Variants in ZFPM2 observed in about 807,000 individuals in gnomAD.
The protein encoded by ZFPM2 is zinc finger protein ZFPM2.
A neutral mutation model predicts 98.6 loss-of-function variants in ZFPM2; 20 were observed. The observed-to-expected ratio is 0.20, with a 90% confidence interval of 0.14 to 0.29. The LOEUF (loss-of-function observed/expected upper bound fraction) is 0.29. Among genes scored for constraint, ZFPM2 ranks in the 10% least tolerant of loss-of-function variants. The pLI is 1.00. For synonymous variants in ZFPM2, 518 were observed against 502.7 expected (o/e 1.03, Z -0.41); for missense variants, 1,310 against 1,388.6 (o/e 0.94, Z 0.90).
chr8:105,779,098 G>A (rs1007089611), intron 5 of ZFPM2, among the ~76,000 whole-genome samples: 2 of 152,000 alleles, frequency 1.3e-5, no homozygotes, highest in Non-Finnish European at 2.9e-5. Context: ...AGAATAACTT[G>A]TTATTTTAAA....
intron 3 of ZFPM2, among the ~76,000 whole-genome samples, chr8:105,483,897 C>T (rs1813175423): frequency 6.6e-6 from 1 of 151,582 alleles, no homozygotes; most frequent in Non-Finnish European, 1.5e-5. Context: ...CCACGCCCGG[C>T]TAATTTTTTT....
intron 7 of ZFPM2, 88 bp from the exon 8 acceptor site, chr8:105,800,959 G>GCAAA: frequency 2.4e-6 from 3 of 1,233,058 alleles, no homozygotes; most frequent in Non-Finnish European, 3.4e-6. Context: ...CTATTGTGTT[G>GCAAA]CAAACATTAG....
intron 1 of ZFPM2, among the ~76,000 whole-genome samples, chr8:105,320,605 A>G (rs1812006392): frequency 6.6e-6 from 1 of 152,200 alleles, no homozygotes; most frequent in South Asian, 2.1e-4. Flanking sequence ...TTAGATACAA[A>G]TGCTTTTTAG....
At chr8:105,604,757 C>T (rs1168949939) in intron 4 of ZFPM2, among the ~76,000 whole-genome samples, 2 of 152,050 alleles carry the variant, frequency 1.3e-5, no homozygotes, top group African/African-American at 4.8e-5. Context: ...ACAGAGCATT[C>T]TCTGGACGAA....
At chr8:105,396,423 A>G (rs939578280) in intron 1 of ZFPM2, among the ~76,000 whole-genome samples, 3 of 152,144 alleles carry the variant, frequency 2.0e-5, no homozygotes, top group Non-Finnish European at 4.4e-5. Context: ...TGATTCCTTG[A>G]CATGGGGAAG....
Position 105,783,552 on chromosome 8 carries a change from G to A in ZFPM2, c.533-5166G>A, listed in dbSNP as rs189628115. 8.6e-5 allele frequency among the ~76,000 whole-genome samples: 13 copies of A among 151,950 alleles called. No individual in the cohort carries two copies. The East Asian group carries it at 1.5e-3, about 18-fold the overall frequency. On this transcript the variant is annotated intron_variant, in intron 5 of 7. Coordinates refer to ENST00000407775, the MANE Select transcript of ZFPM2 (RefSeq NM_012082.4). ...ATGCTAAACCTAAATCCTCATCCCCGTATCCCAGCCCCTGGCAACCACCAT... is the reference window on the plus strand; with the variant it reads ...ATGCTAAACCTAAATCCTCATCCCCATATCCCAGCCCCTGGCAACCACCAT...
intron 3 of ZFPM2, among the ~76,000 whole-genome samples, chr8:105,560,070 A>G (rs1197871128): frequency 6.7e-6 from 1 of 150,022 alleles, no homozygotes; most frequent in East Asian, 2.0e-4. Context: ...GCCGGACCTG[A>G]TGGCGCTTTG....
intron 3 of ZFPM2, among the ~76,000 whole-genome samples, chr8:105,462,294 A>G (rs1351953310): frequency 6.6e-6 from 1 of 152,052 alleles, no homozygotes; most frequent in African/African-American, 2.4e-5. Context: ...CCAATATGCA[A>G]TCCCTATTTT....
At chr8:105,617,536 G>C (rs1469189128) in intron 4 of ZFPM2, among the ~76,000 whole-genome samples, 1 of 152,144 alleles carries the variant, frequency 6.6e-6, no homozygotes, top group Non-Finnish European at 1.5e-5. Flanking sequence ...TGAGGAGTGG[G>C]ATAGACCTGC....
intron 5 of ZFPM2, among the ~76,000 whole-genome samples, chr8:105,706,341 G>T (rs185630390): frequency 6.6e-6 from 1 of 152,064 alleles, no homozygotes; most frequent in African/African-American, 2.4e-5. Flanking sequence ...GCACAAAAGC[G>T]TATGACAGTA....
chr8:105,364,697 A>G (rs1461101395), intron 1 of ZFPM2, among the ~76,000 whole-genome samples: 1 of 152,024 alleles, frequency 6.6e-6, no homozygotes, highest in African/African-American at 2.4e-5. Flanking sequence ...TACAGGATTG[A>G]CAAAGATGTC....
rs1453349559 is a variant in ZFPM2 at position 105,318,518 on chromosome 8, G to C, written c.-424G>C. ...GCACGCCGGGGCGAGGGGCGAGCGA[G>C]CGCGCTCCTCCTCCCGCGCCCTGCG... On this transcript the variant is annotated 5_prime_UTR_variant, in exon 1 of 8. Transcript: ENST00000407775. Among the ~76,000 whole-genome samples, 2 of 150,042 alleles carry C rather than the reference G, an allele frequency of 1.3e-5. No individual in the cohort carries two copies. Among genetic ancestry groups the C allele is most frequent in the African/African-American group, 4.9e-5 (2 of 40,904 alleles).
intron 5 of ZFPM2, among the ~76,000 whole-genome samples, chr8:105,647,790 G>A (rs1253049383): frequency 6.6e-6 from 1 of 152,090 alleles, no homozygotes; most frequent in Admixed American, 6.6e-5. Context: ...ATGGACATTT[G>A]GCTTGGTTCC....
intron 4 of ZFPM2, among the ~76,000 whole-genome samples, chr8:105,572,921 A>G (rs1295410601): frequency 6.6e-6 from 1 of 152,122 alleles, no homozygotes; most frequent in African/African-American, 2.4e-5. Context: ...ATGGCAGGAA[A>G]CCAGACTAAA....
chr8:105,508,539 G>A (rs1347155198), intron 3 of ZFPM2, among the ~76,000 whole-genome samples: 1 of 152,120 alleles, frequency 6.6e-6, no homozygotes, highest in Admixed American at 6.5e-5. Flanking sequence ...GTTAGTTAGA[G>A]ACGTCTTGCA....
intron 3 of ZFPM2, among the ~76,000 whole-genome samples, chr8:105,559,154 G>C (rs935650830): frequency 6.6e-6 from 1 of 152,090 alleles, no homozygotes; most frequent in African/African-American, 2.4e-5. Flanking sequence ...ATTGCACAAA[G>C]ATGAAAAACA....
At chr8:105,405,496 T>C (rs1480584415) in intron 1 of ZFPM2, among the ~76,000 whole-genome samples, 1 of 148,500 alleles carries the variant, frequency 6.7e-6, no homozygotes, top group Admixed American at 6.8e-5. Context: ...GGTCTCATTG[T>C]TCAATTCCCA....
chr8:105,607,838 A>G (rs1311567085), intron 4 of ZFPM2, among the ~76,000 whole-genome samples: 1 of 152,138 alleles, frequency 6.6e-6, no homozygotes, highest in African/African-American at 2.4e-5. Context: ...TAGTGAATTA[A>G]ATATCCTTAC....
intron 4 of ZFPM2, among the ~76,000 whole-genome samples, chr8:105,622,265 T>G (rs1816567050): frequency 6.6e-6 from 1 of 152,170 alleles, no homozygotes; most frequent in South Asian, 2.1e-4. Context: ...CATGTTAGCA[T>G]TATTTACAAA....
Sources: gnomAD v4.1 joint callset for allele counts (sites outside exome capture counted in the v4.1 genomes callset) on GRCh38, gnomAD v4.1.1 for gene constraint, MANE v1.5 for transcripts, NCBI Gene and HGNC (gene_info 2026-07-23, HGNC 2026-07-21) for gene names.